Variants in UBN1 observed in about 807,000 individuals in gnomAD.
UBN1 encodes ubinuclein 1.
UBN1 carries 17 observed loss-of-function variants against 108.5 expected under a neutral mutation model. The observed-to-expected ratio is 0.16, with a 90% CI of 0.11 to 0.24. The LOEUF (loss-of-function observed/expected upper bound fraction) is 0.24. UBN1 is among the 10% of genes least tolerant of loss of function. The pLI is 1.00. For missense variants in UBN1, 1,595 were observed against 1,394.4 expected (o/e 1.14, Z -2.29); for synonymous variants, 726 against 564.2 (o/e 1.29, Z -4.07).
intron 7 of UBN1, 86 bp from the exon 8 acceptor site, chr16:4,868,747 G>T: frequency 7.5e-7 from 1 of 1,330,636 alleles, no homozygotes; most frequent in South Asian, 1.3e-5. Context: ...GCTCTTTATG[G>T]AGCGATGACT....
chr16:4,853,278 C>G, intron 2 of UBN1, 112 bp downstream of exon 2: 1 of 1,423,520 alleles, frequency 7.0e-7, no homozygotes, highest in Middle Eastern at 2.5e-4. Context: ...TTGGCTGCCC[C>G]AAGATCCTGT....
At position 4,858,517 on chromosome 16, in the gene UBN1, A is replaced by G. The variant is rs1367576173; in HGVS notation, c.337-51A>G. The G allele has an allele frequency of 3.9e-6, 6 of 1,543,618 alleles. No individual in the cohort carries two copies. In the South Asian group the frequency reaches 6.8e-5, roughly 17 times the overall value. On this transcript the variant is annotated intron_variant, in intron 3 of 17. Transcript: ENST00000262376. ...CTGATGAAGTTCAAGGCCACAGTTA[A>G]TTCTGTGTGTTTATTCAAAAAGCAT...
chr16:4,870,180 G>A (rs1413581355), intron 8 of UBN1, 32 bp from the exon 9 acceptor site: 1 of 1,613,196 alleles, frequency 6.2e-7, no homozygotes, highest in Admixed American at 1.7e-5. Context: ...GCAGTGAGCT[G>A]CAGCCGGTGG....
chr16:4,853,454 G>T (rs1428022133), intron 2 of UBN1, among the ~76,000 whole-genome samples: 1 of 152,026 alleles, frequency 6.6e-6, no homozygotes, highest in Non-Finnish European at 1.5e-5. Context: ...GACAGTTCCA[G>T]TGTTAGAATT....
In UBN1 at chr16:4,882,357, A is replaced by G. The variant is rs977149869; in HGVS notation, c.*2225A>G. The G allele has an allele frequency of 2.0e-5, 3 of 151,968 alleles. No individual in the cohort carries two copies. Among genetic ancestry groups the G allele is most frequent in the African/African-American group, 7.3e-5 (3 of 41,040 alleles). 9.4% of individuals were successfully genotyped at this position (151,968 alleles called of 1,614,324 possible). On this transcript the variant is annotated 3_prime_UTR_variant, in exon 18 of 18. Transcript: ENST00000262376. ...TTCAATAAATTGTTTCAAGGTTTCC[A>G]AAACATTTTTTCTCACTCTTTTCTT...
rs1246996528 is a variant in UBN1 at position 4,877,233 on chromosome 16, G to A, written c.3265+122G>A. On this transcript the variant is annotated intron_variant, in intron 16 of 17. Coordinates refer to ENST00000262376, the MANE Select transcript of UBN1 (RefSeq NM_001079514.3). This position sits in a 1 kb window ranked among gnomAD's most constrained non-coding sequence, Gnocchi z 4.3. ...GTGTGTGACTGTGGGGAACATCTCCGGGAACTGTGCCAAGCCCCCACTGCC... is the reference window on the plus strand; with the variant it reads ...GTGTGTGACTGTGGGGAACATCTCCAGGAACTGTGCCAAGCCCCCACTGCC... The A allele has an allele frequency of 7.9e-6, 12 of 1,513,890 alleles. No homozygotes were observed. Among genetic ancestry groups the A allele is most frequent in the African/African-American group, 1.4e-5 (1 of 72,220 alleles). 93.8% of individuals were successfully genotyped at this position (1,513,890 alleles called of 1,614,324 possible).
rs758997061 is a variant in UBN1 at position 4,870,197 on chromosome 16, T to C, written c.1182-15T>C. The C allele has an allele frequency of 6.2e-6, 10 of 1,613,908 alleles. No homozygotes were observed. In the Admixed American group the frequency reaches 1.3e-4, roughly 22 times the overall value. On this transcript the variant is annotated splice_polypyrimidine_tract_variant and intron_variant, in intron 8 of 17. Coordinates refer to ENST00000262376, the MANE Select transcript of UBN1 (RefSeq NM_001079514.3). Reference sequence around the variant, plus strand: ...AGTGAGCTGCAGCCGGTGGTGACTGTGTTTTGTTCTTCAGCATAGAGGCGC... The same window carrying C: ...AGTGAGCTGCAGCCGGTGGTGACTGCGTTTTGTTCTTCAGCATAGAGGCGC...
Position 4,880,371 on chromosome 16 carries a change from G to C in UBN1, c.*239G>C, listed in dbSNP as rs1228469552. 6 of 514,378 alleles carry C rather than the reference G, an allele frequency of 1.2e-5. No individual in the cohort carries two copies. Among genetic ancestry groups the C allele is most frequent in the African/African-American group, 3.8e-5 (2 of 52,408 alleles). 31.9% of individuals were successfully genotyped at this position (514,378 alleles called of 1,614,324 possible). On this transcript the variant is annotated 3_prime_UTR_variant, in exon 18 of 18. Coordinates refer to ENST00000262376, the MANE Select transcript of UBN1 (RefSeq NM_001079514.3). ...GGGCCTTGCAGCTCTGTCGCTAGAC[G>C]GTTGTTAGAGGGGCAGCTCTAGGCT... is the stretch of plus-strand genomic sequence containing the variant.
At chr16:4,871,477 C>A (rs533616022) in intron 12 of UBN1, among the ~76,000 whole-genome samples, 176 bp downstream of exon 12, 2 of 151,366 alleles carry the variant, frequency 1.3e-5, no homozygotes, top group East Asian at 3.9e-4. Flanking sequence ...TCTTCTGGAT[C>A]TTCCCTGGAG....
chr16:4,861,100 C>G lies in UBN1; in HGVS notation c.1108C>G (p.Gln370Glu). 6.2e-7 allele frequency: 1 copy of G among 1,611,768 alleles called. No individual in the cohort carries two copies. Among genetic ancestry groups the G allele is most frequent in the Non-Finnish European group, 8.5e-7 (1 of 1,179,150 alleles). ...PLEKRVKELAQAARAAEGESR... is the reference protein window; with the variant it reads ...PLEKRVKELAEAARAAEGESR... The stretch of plus-strand genomic sequence containing the variant: ...GGAGAAGCGCGTTAAGGAGCTGGCT[C>G]AGGTATGGTGGCACAGTGCGGCTGG... Residue 370 changes from glutamine (Q) to glutamate (E), a missense_variant and splice_region_variant, in exon 7 of 18, where the codon CAG (glutamine) becomes GAG (glutamate). By Grantham distance (29) the Gln-to-Glu change is conservative. Around this residue, in one of 3 missense-constraint regions of UBN1, gnomAD observed 1,398 missense variants for 1,194.7 expected, o/e 1.17. Coordinates refer to ENST00000262376, the MANE Select transcript of UBN1 (RefSeq NM_001079514.3).
chr16:4,872,180 C>A (rs2087676157), intron 12 of UBN1: 2 of 984,226 alleles, frequency 2.0e-6, no homozygotes, highest in South Asian at 9.4e-5. Flanking sequence ...GCTGTCCTCT[C>A]TACGTAGGCT....
intron 7 of UBN1, among the ~76,000 whole-genome samples, chr16:4,868,464 A>AT (rs2087442924): frequency 6.6e-6 from 1 of 152,192 alleles, no homozygotes; most frequent in South Asian, 2.1e-4. Context: ...GTTCTTGAAT[A>AT]TTTTTGTACT....
Position 4,858,001 on chromosome 16 carries a change from G to C in UBN1, c.261G>C (p.Leu87=), listed in dbSNP as rs1376477546. 2 of 1,612,442 alleles carry C rather than the reference G, an allele frequency of 1.2e-6. No individual in the cohort carries two copies. The highest frequency in any genetic ancestry group is 2.7e-5 in the African/African-American group (2 of 74,856). ...CGATCTCTTTACAGAAGAAAGATCT[G>C]TCAGATCCTTTCAATGACGAAGAAA... is the stretch of plus-strand genomic sequence containing the variant. ...GLQPGDKKKD[L]SDPFNDEEKE... Residue 87 remains leucine, a synonymous_variant, in exon 3 of 18, where the codon CTG becomes CTC. Transcript: ENST00000262376.
intron 7 of UBN1, among the ~76,000 whole-genome samples, chr16:4,867,216 A>G (rs1368247513): frequency 2.6e-5 from 4 of 152,206 alleles, no homozygotes; most frequent in Non-Finnish European, 5.9e-5. Flanking sequence ...TGGGGAACAC[A>G]GGGGAAGAGC....
At position 4,861,096 on chromosome 16, in the gene UBN1, G is replaced by A. The variant is rs1400690019; in HGVS notation, c.1104G>A (p.Leu368=). Residue 368 remains leucine, a synonymous_variant, in exon 7 of 18, where the codon CTG becomes CTA. Transcript: ENST00000262376. Reference sequence around the variant, plus strand: ...CCCTGGAGAAGCGCGTTAAGGAGCTGGCTCAGGTATGGTGGCACAGTGCGG... The same window carrying A: ...CCCTGGAGAAGCGCGTTAAGGAGCTAGCTCAGGTATGGTGGCACAGTGCGG... ...PAPLEKRVKE[L]AQAARAAEGE... 29 of 1,612,360 alleles carry A rather than the reference G, an allele frequency of 1.8e-5. No homozygotes were observed. The highest frequency in any genetic ancestry group is 2.4e-5 in the Non-Finnish European group (28 of 1,179,414).
chr16:4,868,990 A>T, intron 8 of UBN1, 87 bp downstream of exon 8: 1 of 1,356,096 alleles, frequency 7.4e-7, no homozygotes, highest in Non-Finnish European at 1.0e-6. Flanking sequence ...GTGGGAGTAC[A>T]ATTGAACTGC....
At chr16:4,875,566 G>A (rs2087841794) in intron 15 of UBN1, 132 bp downstream of exon 15, 1 of 1,329,634 alleles carries the variant, frequency 7.5e-7, no homozygotes, top group African/African-American at 1.5e-5. Context: ...CTCAGACGTA[G>A]GAAGGGAGAC....
rs971369904 is a variant in UBN1, at chr16:4,875,564, T to C, written c.3024+130T>C. On this transcript the variant is annotated intron_variant, in intron 15 of 17. Coordinates refer to ENST00000262376, the MANE Select transcript of UBN1 (RefSeq NM_001079514.3). ...CAGGTAGGAACAGTGGGCTCAGACGTAGGAAGGGAGACTGGGCTCCCTGTT... is the reference window on the plus strand; with the variant it reads ...CAGGTAGGAACAGTGGGCTCAGACGCAGGAAGGGAGACTGGGCTCCCTGTT... 6.6e-5 allele frequency: 88 copies of C among 1,337,452 alleles called. No homozygotes were observed. The African/African-American group carries it at 1.1e-3, about 16-fold the overall frequency. 82.8% of individuals were successfully genotyped at this position (1,337,452 alleles called of 1,614,324 possible).
In UBN1 at chr16:4,877,129, G is replaced by T; in HGVS notation, c.3265+18G>T. On this transcript the variant is annotated intron_variant, in intron 16 of 17. Coordinates refer to ENST00000262376, the MANE Select transcript of UBN1 (RefSeq NM_001079514.3). This position sits in a 1 kb window ranked among gnomAD's most constrained non-coding sequence, Gnocchi z 4.3. ...TGGCCACAGTAAGTGCTTCTTTGCTGCCTCTGGTCACTCAGGAACCTCTAG... is the reference window on the plus strand; with the variant it reads ...TGGCCACAGTAAGTGCTTCTTTGCTTCCTCTGGTCACTCAGGAACCTCTAG... 1.9e-6 allele frequency: 3 copies of T among 1,592,822 alleles called. No individual in the cohort carries two copies. Among genetic ancestry groups the T allele is most frequent in the Middle Eastern group, 3.4e-4 (2 of 5,936 alleles).
Sources: allele counts gnomAD v4.1 joint callset (sites outside exome capture counted in the v4.1 genomes callset), GRCh38; gene constraint gnomAD v4.1.1; regional missense constraint gnomAD v4.1.1; non-coding constraint Gnocchi (gnomAD v3.1); transcripts MANE v1.5; gene names NCBI Gene and HGNC (gene_info 2026-07-23, HGNC 2026-07-21).